SMARCA2: variants seen among roughly 807,000 people sequenced by gnomAD.
The protein encoded by SMARCA2 is SWI/SNF-related matrix-associated actin-dependent regulator of chromatin subfamily A member 2.
SMARCA2 carries 61 observed loss-of-function variants against 199.8 expected under a neutral mutation model. The ratio of observed to expected loss-of-function variants is 0.31; its 90% CI spans 0.25 to 0.38. SMARCA2 has a LOEUF of 0.38. Ranked by LOEUF, SMARCA2 falls within the 10% of genes least tolerant of loss-of-function variation. SMARCA2 has a pLI of 1.00. For synonymous variants in SMARCA2, 935 were observed against 732.0 expected, an observed-to-expected ratio of 1.28 and a Z score of -4.48; for missense variants, 1,344 against 2,012.2, an observed-to-expected ratio of 0.67 and a Z score of 6.35.
At position 2,060,978 on chromosome 9, in the gene SMARCA2, A is replaced by T. The variant is rs757410444; in HGVS notation, c.1684A>T (p.Arg562Trp). ...AAKEKKKRRR[R>W]KKKAEENAEG... ...CAAAGAGAAGAAGAAGAGGAGGAGG[A>T]GGAAGAAGGTGCGTATCCTAGTGGT... The change falls in exon 9 of 34, where the codon AGG (arginine) becomes TGG (tryptophan). Residue 562 changes from arginine to tryptophan, a missense_variant. Physicochemically the swap from Arg to Trp is moderately radical, Grantham distance 101 (BLOSUM62 -3). Around this residue, in one of 18 missense-constraint regions of SMARCA2, gnomAD observed 68 missense variants for 70.4 expected, o/e 0.97. Coordinates refer to ENST00000349721, the MANE Select transcript of SMARCA2 (RefSeq NM_003070.5). 6.2e-7 allele frequency: 1 copy of T among 1,613,628 alleles called. No individual in the cohort carries two copies. The highest frequency in any genetic ancestry group is 8.5e-7 in the Non-Finnish European group (1 of 1,179,828).
At chr9:2,159,354 G>C (rs1825546797) in intron 27 of SMARCA2, 1 of 237,954 alleles carries the variant, frequency 4.2e-6, no homozygotes, top group African/African-American at 2.3e-5. Context: ...TTGAATCTTA[G>C]AACATGTACA....
intron 27 of SMARCA2, chr9:2,160,452 G>C (rs1429405753): frequency 1.9e-6 from 1 of 521,146 alleles, no homozygotes; most frequent in East Asian, 3.0e-5. Context: ...AACATGCCAG[G>C]TTGTTTTGTG....
intron 1 of SMARCA2, among the ~76,000 whole-genome samples, chr9:2,026,178 G>T (rs918769419): frequency 6.6e-6 from 1 of 152,154 alleles, no homozygotes. Context: ...ATCACGTCAC[G>T]TTCTATGAGA....
rs546192040 is a variant in SMARCA2 at position 2,184,591 on chromosome 9, G to C, written c.4462-1505G>C. Among the ~76,000 whole-genome samples the C allele has an allele frequency of 3.9e-5, 6 of 152,062 alleles. No individual in the cohort carries two copies. In the East Asian group the frequency reaches 1.2e-3, roughly 29 times the overall value. On this transcript the variant is annotated intron_variant, in intron 31 of 33. Transcript: ENST00000349721. ...GCTGGTCTCGAACTCCTGACCTCGT[G>C]ATCTACCCACCTCAGCCTCCTAAAG... is the stretch of plus-strand genomic sequence containing the variant.
intron 29 of SMARCA2, 31 bp from the exon 30 acceptor site, chr9:2,181,540 C>CTTGT (rs759846435): frequency 1.9e-6 from 2 of 1,043,362 alleles, no homozygotes; most frequent in Non-Finnish European, 3.0e-6. Flanking sequence ...TTTGATGTGG[C>CTTGT]TTGTTTTTGT....
At chr9:2,075,658 G>A (rs1410734577) in intron 12 of SMARCA2, among the ~76,000 whole-genome samples, 1 of 151,944 alleles carries the variant, frequency 6.6e-6, no homozygotes, top group Non-Finnish European at 1.5e-5. Context: ...TTTTTGTTTT[G>A]TTTTGTGTTT....
At chr9:2,045,181 A>G (rs1243419133) in intron 4 of SMARCA2, 1 of 152,226 alleles carries the variant, frequency 6.6e-6, no homozygotes, top group East Asian at 1.9e-4. Flanking sequence ...TGAGAACTAA[A>G]TTTAAAGTAA....
At chr9:2,034,178 A>T (rs1416347557) in intron 3 of SMARCA2, among the ~76,000 whole-genome samples, 2 of 136,498 alleles carry the variant, frequency 1.5e-5, no homozygotes, top group Non-Finnish European at 3.0e-5. Flanking sequence ...CCGGGGGCAG[A>T]GGTTGCAGTG....
At position 2,182,199 on chromosome 9, in the gene SMARCA2, T is replaced by A. The variant is rs1371965821; in HGVS notation, c.4418T>A (p.Leu1473His). The change falls in exon 31 of 34, where the codon CTT (leucine) becomes CAT (histidine). Residue 1473 changes from leucine to histidine, a missense_variant. Leu to His is a moderately conservative substitution (Grantham distance 99, BLOSUM62 -3). Transcript: ENST00000349721. Reference sequence around the variant, plus strand: ...GGCGACCTGGAGAAGGATGTCATGCTTCTCTGTCACAACGCTCAGACGTTC... The same window carrying A: ...GGCGACCTGGAGAAGGATGTCATGCATCTCTGTCACAACGCTCAGACGTTC... ...SLGDLEKDVM[L>H]LCHNAQTFNL... 1.2e-6 allele frequency: 2 copies of A among 1,613,784 alleles called. No individual in the cohort carries two copies. Among genetic ancestry groups the A allele is most frequent in the Non-Finnish European group, 1.7e-6 (2 of 1,179,758 alleles).
rs1823710334 is a variant in SMARCA2 at position 2,126,660 on chromosome 9, T to G, written c.3981+2723T>G. Among the ~76,000 whole-genome samples, 3 of 152,224 alleles carry G rather than the reference T, an allele frequency of 2.0e-5. No homozygotes were observed. In the South Asian group the frequency reaches 6.2e-4, roughly 32 times the overall value. On this transcript the variant is annotated intron_variant, in intron 27 of 33. Coordinates refer to ENST00000349721, the MANE Select transcript of SMARCA2 (RefSeq NM_003070.5). ...AAATGCTGTAACAGGGCTAAAATAA[T>G]TCTTCTTTTTCCTGGCAATGTTGTA...
intron 2 of SMARCA2, 121 bp downstream of exon 2, chr9:2,029,368 T>C: frequency 1.5e-6 from 2 of 1,312,048 alleles, no homozygotes; most frequent in South Asian, 1.4e-5. Flanking sequence ...CTTTGTCTTG[T>C]ATATCTCATA....
chr9:2,124,720 C>T (rs1370788871), intron 27 of SMARCA2, among the ~76,000 whole-genome samples: 1 of 152,128 alleles, frequency 6.6e-6, no homozygotes, highest in African/African-American at 2.4e-5. Flanking sequence ...TGATTGAGGA[C>T]TGAAATCTCA....
intron 1 of SMARCA2, among the ~76,000 whole-genome samples, chr9:2,028,571 A>T (rs920774187): frequency 2.6e-5 from 4 of 152,142 alleles, no homozygotes; most frequent in African/African-American, 7.2e-5. Flanking sequence ...TCTTGGTTGG[A>T]TACTTTTTAA....
At chr9:2,190,121 A>G (rs1827776592) in intron 32 of SMARCA2, among the ~76,000 whole-genome samples, 1 of 152,196 alleles carries the variant, frequency 6.6e-6, no homozygotes, top group African/African-American at 2.4e-5. Context: ...GTTCTTTGGG[A>G]TATGTACCTA....
intron 9 of SMARCA2, 42 bp downstream of exon 9, chr9:2,061,028 G>T (rs1275383556): frequency 1.9e-6 from 3 of 1,584,456 alleles, no homozygotes; most frequent in Non-Finnish European, 2.6e-6. Flanking sequence ...GGGTGTATGG[G>T]CAGGGATAAG....
intron 27 of SMARCA2, among the ~76,000 whole-genome samples, chr9:2,139,492 C>G (rs965181103): frequency 1.3e-5 from 2 of 152,192 alleles, no homozygotes; most frequent in Admixed American, 6.5e-5. Flanking sequence ...AGAGTGTCAA[C>G]ATTCCAGGAA....
chr9:2,052,194 C>A (rs1820148883), intron 5 of SMARCA2, among the ~76,000 whole-genome samples: 1 of 152,264 alleles, frequency 6.6e-6, no homozygotes, highest in African/African-American at 2.4e-5. Context: ...ATAGCACGGG[C>A]CAGGCATGGT....
chr9:2,188,582 A>C (rs776088702), intron 32 of SMARCA2, among the ~76,000 whole-genome samples: 1 of 152,220 alleles, frequency 6.6e-6, no homozygotes, highest in Non-Finnish European at 1.5e-5. Flanking sequence ...GTTTTCAAAG[A>C]GCTGCTCTCT....
intron 29 of SMARCA2, among the ~76,000 whole-genome samples, chr9:2,179,517 A>G (rs1329027286): frequency 6.6e-6 from 1 of 152,212 alleles, no homozygotes; most frequent in East Asian, 1.9e-4. Context: ...CTTTATGAGC[A>G]TAGAGAACTC....
Sources: gnomAD v4.1 joint callset for allele counts (sites outside exome capture counted in the v4.1 genomes callset) on GRCh38, gnomAD v4.1.1 for gene constraint, gnomAD v4.1.1 regional missense constraint, MANE v1.5 for transcripts, NCBI Gene and HGNC (gene_info 2026-07-23, HGNC 2026-07-21) for gene names.